XKR6: variants seen among roughly 807,000 people sequenced by gnomAD.
XKR6 encodes XK-related protein 6.
In XKR6, 22 loss-of-function variants were observed where a neutral mutation model predicts 56.7. The observed-to-expected ratio is 0.39, with a 90% CI of 0.28 to 0.55. XKR6 has a LOEUF of 0.55. Ranked by LOEUF, XKR6 falls within the 20% of genes least tolerant of loss-of-function variation. The probability of loss-of-function intolerance (pLI) is 0.66; values close to 1 mark genes in which losing one functional copy is unlikely to be tolerated. For synonymous variants in XKR6, 524 were observed against 387.8 expected (o/e 1.35, Z -4.13); for missense variants, 852 against 889.0 (o/e 0.96, Z 0.53).
intron 2 of XKR6, among the ~76,000 whole-genome samples, chr8:10,919,866 C>T (rs899572413): frequency 6.6e-6 from 1 of 152,192 alleles, no homozygotes; most frequent in Non-Finnish European, 1.5e-5. Context: ...TTTACTTAAA[C>T]TTTCAAGACA....
At chr8:11,052,960 T>A (rs1022591007) in intron 1 of XKR6, among the ~76,000 whole-genome samples, 1 of 152,126 alleles carries the variant, frequency 6.6e-6, no homozygotes, top group African/African-American at 2.4e-5. Context: ...GTGTCTGGCA[T>A]GTTTGGTCAC....
intron 1 of XKR6, among the ~76,000 whole-genome samples, chr8:10,964,922 C>T (rs541870756): frequency 1.1e-4 from 17 of 152,366 alleles, no homozygotes; most frequent in Non-Finnish European, 2.4e-4. Context: ...CTCCAGGGCG[C>T]TGTTAAACCC....
Position 11,104,394 on chromosome 8 carries a change from T to C in XKR6, c.764+96182A>G, listed in dbSNP as rs188787165. ...AATTTTCTCCTTGACACAGTATATA[T>C]ACAGCCCTTGGCACAGTGATTGGCA... On this transcript the variant is annotated intron_variant, in intron 1 of 2. Transcript: ENST00000416569. 3.3e-5 allele frequency among the ~76,000 whole-genome samples: 5 copies of C among 152,332 alleles called. No homozygotes were observed. The East Asian group carries it at 5.8e-4, about 18-fold the overall frequency.
chr8:11,069,216 A>T (rs912824196), intron 1 of XKR6, among the ~76,000 whole-genome samples: 1 of 148,476 alleles, frequency 6.7e-6, no homozygotes, highest in African/African-American at 2.5e-5. Context: ...GGCAGGTTCC[A>T]CTCTCCAACC....
At chr8:11,055,784 C>G (rs993102209) in intron 1 of XKR6, among the ~76,000 whole-genome samples, 4 of 151,380 alleles carry the variant, frequency 2.6e-5, no homozygotes, top group East Asian at 1.9e-4. Context: ...CAGCGGGCCC[C>G]GAAGTCCACT....
rs147544790 is a variant in XKR6 at position 11,196,664 on chromosome 8, C to A, written c.764+3912G>T. Among the ~76,000 whole-genome samples the A allele has an allele frequency of 4.1e-4, 62 of 152,354 alleles. 1 individual carries two copies. The highest frequency in any genetic ancestry group is 3.9e-3 in the Admixed American group (60 of 15,310). ...AATATTCCTCTCCAAGTGGAATAAG[C>A]CTGAAATCCAGTTCTCAAGCGTGGG... On this transcript the variant is annotated intron_variant, in intron 1 of 2. Coordinates refer to ENST00000416569, the MANE Select transcript of XKR6 (RefSeq NM_173683.4).
chr8:11,158,686 T>A (rs765256993), intron 1 of XKR6, among the ~76,000 whole-genome samples: 2 of 152,214 alleles, frequency 1.3e-5, no homozygotes, highest in Non-Finnish European at 2.9e-5. Flanking sequence ...ATTCTATTTA[T>A]ACAATCGTAT....
chr8:10,996,382 G>C (rs1049015792), intron 1 of XKR6, among the ~76,000 whole-genome samples: 3 of 152,164 alleles, frequency 2.0e-5, no homozygotes, highest in East Asian at 1.9e-4. Context: ...CAGGTAATTT[G>C]AGGGAAAGCT....
At chr8:10,985,933 G>C (rs182422808) in intron 1 of XKR6, among the ~76,000 whole-genome samples, 4 of 152,170 alleles carry the variant, frequency 2.6e-5, no homozygotes, top group Non-Finnish European at 4.4e-5. Context: ...AACTAGATAA[G>C]CTGATTTTCA....
chr8:11,109,713 G>C (rs1798815112), intron 1 of XKR6: 1 of 152,124 alleles, frequency 6.6e-6, no homozygotes, highest in African/African-American at 2.4e-5. Flanking sequence ...CAGCATCTAA[G>C]ATGGCCTTTA....
At chr8:11,002,414 G>A (rs1485644701) in intron 1 of XKR6, 2 of 400,676 alleles carry the variant, frequency 5.0e-6, no homozygotes, top group South Asian at 2.0e-5. Flanking sequence ...CCTGGGGGAG[G>A]CCCGCGTGCA....
At chr8:11,163,639 T>C (rs1801930796) in intron 1 of XKR6, among the ~76,000 whole-genome samples, 3 of 152,216 alleles carry the variant, frequency 2.0e-5, no homozygotes, top group Admixed American at 6.5e-5. Context: ...TCAGGAGGAA[T>C]AGAACGCATT....
intron 1 of XKR6, among the ~76,000 whole-genome samples, chr8:11,060,651 G>C (rs1172272655): frequency 6.6e-6 from 1 of 152,238 alleles, no homozygotes; most frequent in Non-Finnish European, 1.5e-5. Context: ...TCGCAGTCTA[G>C]AAGGGGAAGA....
chr8:11,108,105 A>G (rs1798749071), intron 1 of XKR6: 1 of 334,042 alleles, frequency 3.0e-6, no homozygotes, highest in African/African-American at 2.2e-5. Context: ...GAAAACAGAG[A>G]TTGGAAACAC....
At chr8:11,001,438 C>T (rs1471327204) in intron 1 of XKR6, among the ~76,000 whole-genome samples, 1 of 152,202 alleles carries the variant, frequency 6.6e-6, no homozygotes, top group Non-Finnish European at 1.5e-5. Context: ...GAAGGGACCA[C>T]AGCTAGACTC....
chr8:10,898,581 C>G lies in XKR6; in HGVS notation c.1297G>C (p.Val433Leu). The G allele has an allele frequency of 6.2e-7, 1 of 1,614,104 alleles. No individual in the cohort carries two copies. Among genetic ancestry groups the G allele is most frequent in the Non-Finnish European group, 8.5e-7 (1 of 1,180,016 alleles). ...CGATATCGAGTCCGCCCTTCCTTGA[C>G]GTTAAACCAGCAGAAAATGTACACG... ...GIVYIFCWFN[V>L]KEGRTRYRMF... The change falls in exon 3 of 3, where the codon GTC (valine) becomes CTC (leucine). Residue 433 changes from valine (V) to leucine (L), a missense_variant. Around this residue, in one of 4 missense-constraint regions of XKR6, gnomAD observed 199 missense variants for 280.4 expected, o/e 0.71. Transcript: ENST00000416569. This position sits in a 1 kb window ranked among gnomAD's most constrained non-coding sequence, Gnocchi z 6.6.
intron 1 of XKR6, among the ~76,000 whole-genome samples, chr8:11,029,929 T>A (rs538898569): frequency 6.6e-6 from 1 of 152,212 alleles, no homozygotes; most frequent in African/African-American, 2.4e-5. Context: ...TAACAGTCTA[T>A]GTGGTGTCCA....
Position 11,173,457 on chromosome 8 carries a change from C to T in XKR6, c.764+27119G>A, listed in dbSNP as rs1040101050. Among the ~76,000 whole-genome samples, 7 of 151,796 alleles carry T rather than the reference C, an allele frequency of 4.6e-5. No individual in the cohort carries two copies. In the South Asian group the frequency reaches 1.5e-3, roughly 32 times the overall value. On this transcript the variant is annotated intron_variant, in intron 1 of 2. Transcript: ENST00000416569. The stretch of plus-strand genomic sequence containing the variant: ...AGCTCCCAGAGAACAGAGTTCTGCT[C>T]CTACAAGATGGCACAGCATCGTCAG...
chr8:10,901,742 T>C (rs971210139), intron 2 of XKR6, among the ~76,000 whole-genome samples: 33 of 152,158 alleles, frequency 2.2e-4, no homozygotes, highest in Non-Finnish European at 5.9e-5. Flanking sequence ...GCTGAGCTCA[T>C]AAAGCAAGAA....
Sources: allele counts gnomAD v4.1 joint callset (sites outside exome capture counted in the v4.1 genomes callset), GRCh38; gene constraint gnomAD v4.1.1; regional missense constraint gnomAD v4.1.1; non-coding constraint Gnocchi (gnomAD v3.1); transcripts MANE v1.5; gene names NCBI Gene and HGNC (gene_info 2026-07-23, HGNC 2026-07-21).